The following KDM4B variants were observed in gnomAD, a reference collection of about 807,000 sequenced individuals.
The protein encoded by KDM4B is lysine-specific demethylase 4B.
A neutral mutation model predicts 125.2 loss-of-function variants in KDM4B; 32 were observed. The ratio of observed to expected loss-of-function variants is 0.26; its 90% CI spans 0.19 to 0.34. The LOEUF (loss-of-function observed/expected upper bound fraction) is 0.34, where lower values mean the gene tolerates loss of function less well. Among genes scored for constraint, KDM4B ranks in the 10% least tolerant of loss-of-function variants. KDM4B has a pLI of 1.00. For missense variants in KDM4B, 1,190 were observed against 1,577.7 expected (o/e 0.75, Z 4.16); for synonymous variants, 721 against 677.9 (o/e 1.06, Z -0.99).
chr19:5,033,938 C>T (rs2145625506), intron 3 of KDM4B, among the ~76,000 whole-genome samples: 1 of 152,244 alleles, frequency 6.6e-6, no homozygotes, highest in South Asian at 2.1e-4. Flanking sequence ...CAAGACCAAG[C>T]TGGCCAACAC....
At chr19:5,086,554 A>G (rs1353599791) in intron 9 of KDM4B, among the ~76,000 whole-genome samples, 3 of 152,154 alleles carry the variant, frequency 2.0e-5, no homozygotes, top group Non-Finnish European at 4.4e-5. Flanking sequence ...AAAAGCCAAG[A>G]GGCGTGTGCT....
At chr19:5,123,400 G>A (rs367718031) in intron 11 of KDM4B, among the ~76,000 whole-genome samples, 16 of 152,290 alleles carry the variant, frequency 1.1e-4, no homozygotes, top group South Asian at 6.2e-4. Flanking sequence ...TTGTGTTCCC[G>A]TGTTCTCCCG....
chr19:5,124,296 C>T lies in KDM4B; in HGVS notation c.1315+4444C>T, dbSNP rs542811028. 7.0e-4 allele frequency among the ~76,000 whole-genome samples: 106 copies of T among 152,152 alleles called. 1 individual carries two copies. Among genetic ancestry groups the T allele is most frequent in the African/African-American group, 2.4e-3 (99 of 41,480 alleles). On this transcript the variant is annotated intron_variant, in intron 11 of 22. Transcript: ENST00000159111. ...AGGACACGCATCCTCCCCAGGCCGG[C>T]GCGGTGGGGGAAATCGGGCAGGCTG...
At chr19:5,040,067 A>C in intron 4 of KDM4B, 56 bp downstream of exon 4, 2 of 1,526,152 alleles carry the variant, frequency 1.3e-6, no homozygotes, top group South Asian at 2.4e-5. Context: ...ACACCTGCTC[A>C]TGGGGGCCCT....
intron 1 of KDM4B, among the ~76,000 whole-genome samples, chr19:5,002,190 G>C (rs949609550): frequency 1.1e-4 from 16 of 152,038 alleles, no homozygotes; most frequent in African/African-American, 3.1e-4. Flanking sequence ...TAGAGATAGG[G>C]TTTCGCCATG....
At chr19:5,042,691 C>T (rs1028492201) in intron 5 of KDM4B, among the ~76,000 whole-genome samples, 5 of 149,782 alleles carry the variant, frequency 3.3e-5, no homozygotes, top group Admixed American at 6.7e-5. Context: ...AGGGGGGGGG[C>T]GCCGTAGGCT....
intron 1 of KDM4B, among the ~76,000 whole-genome samples, chr19:4,985,407 C>G (rs959614456): frequency 1.3e-5 from 2 of 152,206 alleles, no homozygotes; most frequent in African/African-American, 4.8e-5. Context: ...TCCGAGGTCT[C>G]TGCTCCATCC....
chr19:5,069,565 C>T (rs2037881340), intron 6 of KDM4B, among the ~76,000 whole-genome samples: 1 of 151,918 alleles, frequency 6.6e-6, no homozygotes, highest in African/African-American at 2.4e-5. Flanking sequence ...GCCTCGGCCT[C>T]CCAAAGTGCT....
chr19:5,001,765 A>G lies in KDM4B; in HGVS notation c.-108-14492A>G, dbSNP rs575162921. On this transcript the variant is annotated intron_variant, in intron 1 of 22. Transcript: ENST00000159111. Reference sequence around the variant, plus strand: ...TCATGTCTAAATACTTGCCAATCCCAGTGCTGAGAAATGGGGGCTCAGTGG... The same window carrying G: ...TCATGTCTAAATACTTGCCAATCCCGGTGCTGAGAAATGGGGGCTCAGTGG... 5.9e-5 allele frequency among the ~76,000 whole-genome samples: 9 copies of G among 152,276 alleles called. 2 individuals are homozygous for G. Among genetic ancestry groups the G allele is most frequent in the African/African-American group, 2.2e-4 (9 of 41,556 alleles).
intron 2 of KDM4B, among the ~76,000 whole-genome samples, chr19:5,031,168 TG>T (rs977111978): frequency 6.6e-6 from 1 of 151,878 alleles, no homozygotes. Context: ...GGTGCAGCGT[TG>T]GGGGGATCCT....
chr19:5,069,024 T>G (rs1462690242), intron 6 of KDM4B, among the ~76,000 whole-genome samples: 2 of 152,146 alleles, frequency 1.3e-5, no homozygotes, highest in Non-Finnish European at 2.9e-5. Context: ...TCATTCCCTG[T>G]GCGGAGGGGT....
At chr19:5,151,278 T>C in intron 22 of KDM4B, 57 bp from the exon 23 acceptor site, 1 of 1,357,800 alleles carries the variant, frequency 7.4e-7, no homozygotes, top group East Asian at 2.9e-5. Context: ...AGACAGTGGC[T>C]GGGGCCGCAC....
At chr19:5,092,025 C>G (rs1232440308) in intron 9 of KDM4B, among the ~76,000 whole-genome samples, 1 of 152,226 alleles carries the variant, frequency 6.6e-6, no homozygotes, top group East Asian at 1.9e-4. Flanking sequence ...GGGGGTGTCA[C>G]AGTCACGCAG....
In KDM4B at chr19:5,086,650, C is replaced by G. The variant is rs977620212; in HGVS notation, c.918+4146C>G. On this transcript the variant is annotated intron_variant, in intron 9 of 22. Coordinates refer to ENST00000159111, the MANE Select transcript of KDM4B (RefSeq NM_015015.3). ...CTCGCAGGACAGCCACCTCCTCCCCCCCCCAGCCCCCAGGGCCTCTGTGGG... is the reference window on the plus strand; with the variant it reads ...CTCGCAGGACAGCCACCTCCTCCCCGCCCCAGCCCCCAGGGCCTCTGTGGG... Among the ~76,000 whole-genome samples the G allele has an allele frequency of 5.9e-5, 9 of 152,208 alleles. 1 individual carries two copies. In the South Asian group the frequency reaches 6.2e-4, roughly 10 times the overall value.
Position 5,141,666 on chromosome 19 carries a change from C to T in KDM4B, c.2551-2301C>T, listed in dbSNP as rs552110088. Reference sequence around the variant, plus strand: ...TTTGTCTCCAGGACTTCTCCAGCCACCGGCTCAGGGCTCCAGGCAGTCCTG... The same window carrying T: ...TTTGTCTCCAGGACTTCTCCAGCCATCGGCTCAGGGCTCCAGGCAGTCCTG... On this transcript the variant is annotated intron_variant, in intron 18 of 22. Coordinates refer to ENST00000159111, the MANE Select transcript of KDM4B (RefSeq NM_015015.3). This position sits in a 1 kb window ranked among gnomAD's most constrained non-coding sequence, Gnocchi z 6.4. Among the ~76,000 whole-genome samples, 39 of 152,340 alleles carry T rather than the reference C, an allele frequency of 2.6e-4. No individual in the cohort carries two copies. Among genetic ancestry groups the T allele is most frequent in the African/African-American group, 9.4e-4 (39 of 41,580 alleles).
intron 1 of KDM4B, among the ~76,000 whole-genome samples, chr19:5,014,170 A>C (rs1449970207): frequency 1.3e-5 from 2 of 152,246 alleles, no homozygotes; most frequent in Admixed American, 1.3e-4. Context: ...TTTTTGAGAC[A>C]GGGTCTCGCT....
chr19:4,997,552 A>G lies in KDM4B; in HGVS notation c.-108-18705A>G, dbSNP rs1217099264. ...TGGCTCCCCGGTTGTTAGCTGTGTG[A>G]TCTAGGGTAGGCCACTTCCTGCCTG... On this transcript the variant is annotated intron_variant, in intron 1 of 22. Coordinates refer to ENST00000159111, the MANE Select transcript of KDM4B (RefSeq NM_015015.3). The surrounding 1 kb of genome is among the most constrained non-coding windows in gnomAD (Gnocchi z 4.2). Among the ~76,000 whole-genome samples the G allele has an allele frequency of 6.6e-6, 1 of 152,064 alleles. No homozygotes were observed. The highest frequency in any genetic ancestry group is 1.5e-5 in the Non-Finnish European group (1 of 68,016).
At chr19:4,996,961 A>AC (rs2035221567) in intron 1 of KDM4B, among the ~76,000 whole-genome samples, 1 of 151,716 alleles carries the variant, frequency 6.6e-6, no homozygotes, top group African/African-American at 2.4e-5. Flanking sequence ...AGTCGTGACA[A>AC]CCACAGACAG....
rs767004761 is a variant in KDM4B at position 5,119,779 on chromosome 19, G to A, written c.1242G>A (p.Pro414=). The stretch of plus-strand genomic sequence containing the variant: ...GCAGCGTGAAGGAGGAGGCTGGGCC[G>A]GAGGTTGACCCCGAGGAGGAGGAGG... ...AGGSVKEEAG[P]EVDPEEEEEE... is the part of the protein sequence containing the mutation. The change falls in exon 11 of 23, where the codon CCG becomes CCA. Residue 414 remains proline, a synonymous_variant. Coordinates refer to ENST00000159111, the MANE Select transcript of KDM4B (RefSeq NM_015015.3). The A allele has an allele frequency of 2.0e-5, 31 of 1,545,064 alleles. No individual in the cohort carries two copies. The highest frequency in any genetic ancestry group is 1.7e-4 in the Middle Eastern group (1 of 5,880).
Sources: gnomAD v4.1 joint callset for allele counts (sites outside exome capture counted in the v4.1 genomes callset) on GRCh38, gnomAD v4.1.1 for gene constraint, Gnocchi (gnomAD v3.1) non-coding constraint, MANE v1.5 for transcripts, NCBI Gene and HGNC (gene_info 2026-07-23, HGNC 2026-07-21) for gene names.